TECRL: variants seen among roughly 807,000 people sequenced by gnomAD.
The protein encoded by TECRL is trans-2,3-enoyl-CoA reductase like, also known as trans-2,3-enoyl-CoA reductase-like.
TECRL carries 63 observed loss-of-function variants against 52.8 expected under a neutral mutation model. The observed-to-expected ratio is 1.19, with a 90% CI of 0.97 to 1.47. The LOEUF (loss-of-function observed/expected upper bound fraction) is 1.47. Ranked by LOEUF, TECRL falls within the 40% of genes most tolerant of loss-of-function variation. The pLI is 0.00. For synonymous variants in TECRL, 164 were observed against 141.9 expected, an observed-to-expected ratio of 1.16 and a Z score of -1.10; for missense variants, 482 against 429.6, an observed-to-expected ratio of 1.12 and a Z score of -1.08.
At chr4:64,334,551 A>G (rs1300862728) in intron 2 of TECRL, among the ~76,000 whole-genome samples, 1 of 152,110 alleles carries the variant, frequency 6.6e-6, no homozygotes, top group Non-Finnish European at 1.5e-5. Flanking sequence ...GCACCAATCA[A>G]TGTCTATAAT....
intron 6 of TECRL, among the ~76,000 whole-genome samples, chr4:64,307,620 G>A (rs909129636): frequency 2.0e-5 from 3 of 152,078 alleles, no homozygotes; most frequent in Non-Finnish European, 4.4e-5. Context: ...CTCCCCTTAA[G>A]AACAACCTGG....
chr4:64,340,006 G>A (rs1032909202), intron 2 of TECRL, among the ~76,000 whole-genome samples: 4 of 152,056 alleles, frequency 2.6e-5, no homozygotes, highest in African/African-American at 4.8e-5. Flanking sequence ...CGTAAACCTC[G>A]TTTTACTCAA....
At chr4:64,365,123 T>C (rs1169658466) in intron 2 of TECRL, among the ~76,000 whole-genome samples, 13 of 151,548 alleles carry the variant, frequency 8.6e-5, no homozygotes, top group Admixed American at 8.6e-4. Context: ...CAATTTATCA[T>C]ATAAACAGAA....
intron 2 of TECRL, among the ~76,000 whole-genome samples, chr4:64,336,921 C>CAT (rs1183194498): frequency 6.6e-6 from 1 of 152,174 alleles, no homozygotes; most frequent in African/African-American, 2.4e-5. Context: ...GAGTGCTTTA[C>CAT]ATCCAACTAT....
chr4:64,362,996 C>A (rs1721300354), intron 2 of TECRL, among the ~76,000 whole-genome samples: 1 of 145,552 alleles, frequency 6.9e-6, no homozygotes, highest in African/African-American at 2.6e-5. Flanking sequence ...TGAATGGAGA[C>A]AGATATATCA....
intron 1 of TECRL, among the ~76,000 whole-genome samples, chr4:64,399,084 T>G (rs1724163518): frequency 6.6e-6 from 1 of 152,152 alleles, no homozygotes; most frequent in Admixed American, 6.5e-5. Context: ...TGAAGCAGCC[T>G]GTAGACATGG....
chr4:64,379,880 C>T (rs948731963), intron 1 of TECRL, among the ~76,000 whole-genome samples: 5 of 151,998 alleles, frequency 3.3e-5, no homozygotes, highest in Non-Finnish European at 5.9e-5. Flanking sequence ...GCAGGTATCC[C>T]TTTGATATAC....
intron 8 of TECRL, among the ~76,000 whole-genome samples, chr4:64,297,901 A>G (rs1021649985): frequency 6.6e-6 from 1 of 151,158 alleles, no homozygotes; most frequent in Non-Finnish European, 1.5e-5. Context: ...AGTAAACACT[A>G]CTAAGAAATT....
intron 2 of TECRL, among the ~76,000 whole-genome samples, chr4:64,355,247 G>A (rs1042145291): frequency 3.3e-5 from 5 of 152,048 alleles, no homozygotes; most frequent in African/African-American, 1.2e-4. Flanking sequence ...TTATGTGAGT[G>A]AAAACTTAAT....
intron 5 of TECRL, among the ~76,000 whole-genome samples, chr4:64,313,504 C>A (rs139964203): frequency 0.011 from 975 of 91,436 alleles, 16 homozygotes; most frequent in African/African-American, 0.038. Flanking sequence ...TTTTTTGAGA[C>A]GGAGTCTTTC....
intron 1 of TECRL, among the ~76,000 whole-genome samples, chr4:64,388,558 A>T (rs964883102): frequency 6.6e-6 from 1 of 151,884 alleles, no homozygotes; most frequent in Non-Finnish European, 1.5e-5. Flanking sequence ...ATATGCACAA[A>T]ATAACTTGCT....
intron 8 of TECRL, among the ~76,000 whole-genome samples, chr4:64,296,230 A>G (rs1723674235): frequency 6.6e-6 from 1 of 151,840 alleles, no homozygotes; most frequent in African/African-American, 2.4e-5. Flanking sequence ...TGTGGTTTAT[A>G]TAGTAGGGAC....
chr4:64,352,721 C>T (rs2109579397), intron 2 of TECRL, among the ~76,000 whole-genome samples: 1 of 152,256 alleles, frequency 6.6e-6, no homozygotes, highest in African/African-American at 2.4e-5. Context: ...TCCAAACATT[C>T]ACACACACCA....
intron 1 of TECRL, among the ~76,000 whole-genome samples, chr4:64,378,347 C>G (rs1410180237): frequency 6.6e-6 from 1 of 152,032 alleles, no homozygotes; most frequent in African/African-American, 2.4e-5. Flanking sequence ...AGAAGGATCA[C>G]TTGAGCCCAG....
intron 2 of TECRL, among the ~76,000 whole-genome samples, chr4:64,368,266 CTGTT>C (rs34309568): frequency 0.03 from 3,934 of 129,988 alleles, 73 homozygotes; most frequent in African/African-American, 0.055. Flanking sequence ...AGGCTCATAA[CTGTT>C]TGTTTGTTTG....
chr4:64,323,535 T>A (rs1193864759), intron 3 of TECRL, among the ~76,000 whole-genome samples: 1 of 152,128 alleles, frequency 6.6e-6, no homozygotes, highest in Non-Finnish European at 1.5e-5. Context: ...ACCGGGAGAA[T>A]GGTGTAATTT....
intron 8 of TECRL, among the ~76,000 whole-genome samples, chr4:64,298,088 AG>A (rs1475814719): frequency 6.6e-6 from 1 of 151,216 alleles, no homozygotes; most frequent in Non-Finnish European, 1.5e-5. Context: ...TATAATTAAA[AG>A]CACAGGTTTT....
chr4:64,373,807 C>T (rs1222750116), intron 2 of TECRL, among the ~76,000 whole-genome samples: 1 of 151,094 alleles, frequency 6.6e-6, no homozygotes, highest in East Asian at 2.0e-4. Flanking sequence ...AGTGTAATGC[C>T]ACAAAGGTGG....
intron 4 of TECRL, among the ~76,000 whole-genome samples, chr4:64,320,990 G>C (rs1228158645): frequency 6.6e-6 from 1 of 151,668 alleles, no homozygotes; most frequent in South Asian, 2.1e-4. Flanking sequence ...TTTTTCATTT[G>C]ATATTCATTT....
Sources: gnomAD v4.1 joint callset for allele counts (sites outside exome capture counted in the v4.1 genomes callset) on GRCh38, gnomAD v4.1.1 for gene constraint, MANE v1.5 for transcripts, NCBI Gene and HGNC (gene_info 2026-07-23, HGNC 2026-07-21) for gene names.